The following CCSER1 variants were observed in gnomAD, a reference collection of about 807,000 sequenced individuals.
The protein encoded by CCSER1 is serine-rich coiled-coil domain-containing protein 1.
In CCSER1, 41 loss-of-function variants were observed where a neutral mutation model predicts 82.0. The ratio of observed to expected loss-of-function variants is 0.50; its 90% CI spans 0.39 to 0.65. The LOEUF (loss-of-function observed/expected upper bound fraction) is 0.65, where lower values mean the gene tolerates loss of function less well. Ranked by LOEUF, CCSER1 falls within the 30% of genes least tolerant of loss-of-function variation. CCSER1 has a pLI of 0.00. For synonymous variants in CCSER1, 414 were observed against 383.9 expected (o/e 1.08, Z -0.92); for missense variants, 1,119 against 1,064.2 (o/e 1.05, Z -0.72).
chr4:90,711,461 G>A (rs1335952913), intron 6 of CCSER1, among the ~76,000 whole-genome samples: 3 of 152,068 alleles, frequency 2.0e-5, no homozygotes, highest in African/African-American at 2.4e-5. Flanking sequence ...GATATTGGCT[G>A]TGGATTTGTC....
At chr4:90,570,873 C>T (rs1780035509) in intron 5 of CCSER1, among the ~76,000 whole-genome samples, 1 of 151,958 alleles carries the variant, frequency 6.6e-6, no homozygotes, top group Non-Finnish European at 1.5e-5. Context: ...TGTGTTTACG[C>T]CCAAGGCCTG....
chr4:90,894,640 T>C (rs980127385), intron 8 of CCSER1, among the ~76,000 whole-genome samples: 7 of 151,960 alleles, frequency 4.6e-5, no homozygotes, highest in Non-Finnish European at 1.0e-4. Context: ...TTTTGCCTTA[T>C]TCTTTCACCA....
chr4:90,508,039 C>A (rs969813242), intron 5 of CCSER1, among the ~76,000 whole-genome samples: 5 of 151,954 alleles, frequency 3.3e-5, no homozygotes, highest in African/African-American at 1.2e-4. Flanking sequence ...TACCTTAGGG[C>A]TGAAATGTTA....
At chr4:90,131,145 G>A (rs768600378) in intron 1 of CCSER1, among the ~76,000 whole-genome samples, 13 of 151,934 alleles carry the variant, frequency 8.6e-5, no homozygotes, top group Non-Finnish European at 1.3e-4. Context: ...TTACAGGCAC[G>A]CGCCACCACA....
At chr4:90,760,674 G>T (rs1750286429) in intron 7 of CCSER1, among the ~76,000 whole-genome samples, 1 of 152,066 alleles carries the variant, frequency 6.6e-6, no homozygotes. Context: ...AAATAGTCTA[G>T]TGATTAAAAA....
intron 4 of CCSER1, among the ~76,000 whole-genome samples, chr4:90,425,664 G>A (rs1280682422): frequency 6.6e-6 from 1 of 152,018 alleles, no homozygotes; most frequent in Non-Finnish European, 1.5e-5. Context: ...TCTCTGTATT[G>A]TCCACAAGGT....
rs115930406 is a variant in CCSER1 at position 91,007,551 on chromosome 4, C to T, written c.2173-78399C>T. ...CCAGGAATTTATCCATTTCTTGTCTCTTATGATCCTTTGTATTTCTATTGC... is the reference window on the plus strand; with the variant it reads ...CCAGGAATTTATCCATTTCTTGTCTTTTATGATCCTTTGTATTTCTATTGC... On this transcript the variant is annotated intron_variant, in intron 9 of 10. Coordinates refer to ENST00000509176, the MANE Select transcript of CCSER1 (RefSeq NM_001145065.2). 8.6e-3 allele frequency among the ~76,000 whole-genome samples: 1,304 copies of T among 151,770 alleles called. 27 individuals are homozygous for T. The highest frequency in any genetic ancestry group is 0.03 in the African/African-American group (1,248 of 41,420).
rs201687094 is a variant in CCSER1 at position 91,363,357 on chromosome 4, TTGTGTGTG to T, written c.2218-235188_2218-235181del. ...GATTGAAGCATAGGATGGAGATATTTTGTGTGTGTGTGTGTGTGTGTGTGTGTGTGTGT... is the reference window on the plus strand; with the variant it reads ...GATTGAAGCATAGGATGGAGATATTTTGTGTGTGTGTGTGTGTGTGTGTGT... On this transcript the variant is annotated intron_variant, in intron 10 of 10. Coordinates refer to ENST00000509176, the MANE Select transcript of CCSER1 (RefSeq NM_001145065.2). Among the ~76,000 whole-genome samples the T allele has an allele frequency of 1.7e-3, 243 of 139,608 alleles. 5 individuals are homozygous for T. Among genetic ancestry groups the T allele is most frequent in the Admixed American group, 6.5e-3 (94 of 14,494 alleles). The allele number at this position is 139,608 out of a possible 152,430, so 91.6% of individuals were successfully genotyped here. A position where few individuals can be genotyped will look rare whatever the true frequency, so the allele number is the denominator to read the frequency against.
chr4:90,346,442 A>G (rs1296334553), intron 3 of CCSER1, among the ~76,000 whole-genome samples: 1 of 151,972 alleles, frequency 6.6e-6, no homozygotes, highest in East Asian at 1.9e-4. Context: ...AATTATAGCT[A>G]GATTGTCAGT....
At chr4:90,431,218 G>A (rs1012916256) in intron 4 of CCSER1, among the ~76,000 whole-genome samples, 2 of 152,074 alleles carry the variant, frequency 1.3e-5, no homozygotes. Context: ...TAGAAACACA[G>A]ATCTCCTAAC....
chr4:91,594,414 T>C (rs1054294895), intron 10 of CCSER1, among the ~76,000 whole-genome samples: 24 of 114,790 alleles, frequency 2.1e-4, no homozygotes, highest in Admixed American at 6.1e-4. Context: ...TATATACACA[T>C]ATATATACAT....
At chr4:91,231,405 T>C (rs577069157) in intron 10 of CCSER1, among the ~76,000 whole-genome samples, 1 of 151,928 alleles carries the variant, frequency 6.6e-6, no homozygotes, top group East Asian at 1.9e-4. Context: ...ATGAAACACC[T>C]ACACACACAT....
At chr4:91,030,673 G>A (rs1317098188) in intron 9 of CCSER1, among the ~76,000 whole-genome samples, 2 of 151,690 alleles carry the variant, frequency 1.3e-5, no homozygotes, top group African/African-American at 4.9e-5. Context: ...ATTGGTTTTG[G>A]GCCATATTGG....
chr4:91,243,054 A>C lies in CCSER1; in HGVS notation c.2217+157060A>C, dbSNP rs561847260. 2.0e-5 allele frequency among the ~76,000 whole-genome samples: 3 copies of C among 152,280 alleles called. No homozygotes were observed. In the East Asian group the frequency reaches 5.8e-4, roughly 29 times the overall value. Reference sequence around the variant, plus strand: ...ATTCCCAGTGCCTCTCCCCTCTCCCAGTGGTAGCCATGTAGCATGGAGAGA... The same window carrying C: ...ATTCCCAGTGCCTCTCCCCTCTCCCCGTGGTAGCCATGTAGCATGGAGAGA... On this transcript the variant is annotated intron_variant, in intron 10 of 10. Coordinates refer to ENST00000509176, the MANE Select transcript of CCSER1 (RefSeq NM_001145065.2).
chr4:90,957,572 T>C (rs1220478653), intron 9 of CCSER1, among the ~76,000 whole-genome samples: 4 of 133,474 alleles, frequency 3.0e-5, no homozygotes, highest in Non-Finnish European at 6.2e-5. Context: ...TATATAATTA[T>C]ATTATATAAT....
intron 8 of CCSER1, chr4:90,839,108 G>T: frequency 9.0e-7 from 1 of 1,105,198 alleles, no homozygotes; most frequent in Non-Finnish European, 1.4e-6. Flanking sequence ...GGCCACCACC[G>T]AGTTGTCGCC....
At chr4:91,156,008 T>C (rs1341094498) in intron 10 of CCSER1, among the ~76,000 whole-genome samples, 1 of 151,876 alleles carries the variant, frequency 6.6e-6, no homozygotes, top group African/African-American at 2.4e-5. Context: ...ATTAAGACCC[T>C]ATGTTTTAGA....
intron 4 of CCSER1, among the ~76,000 whole-genome samples, chr4:90,422,349 T>C (rs1471960974): frequency 6.6e-6 from 1 of 152,150 alleles, no homozygotes; most frequent in Non-Finnish European, 1.5e-5. Context: ...CCTCCAGCAC[T>C]TTGGGAGGCT....
chr4:90,907,597 A>G (rs1212741923), intron 8 of CCSER1, among the ~76,000 whole-genome samples: 3 of 152,100 alleles, frequency 2.0e-5, no homozygotes, highest in African/African-American at 7.2e-5. Flanking sequence ...AGTATATAAG[A>G]TTCTTTTTTA....
Sources: gnomAD v4.1 joint callset for allele counts (sites outside exome capture counted in the v4.1 genomes callset) on GRCh38, gnomAD v4.1.1 for gene constraint, MANE v1.5 for transcripts, NCBI Gene and HGNC (gene_info 2026-07-23, HGNC 2026-07-21) for gene names.